The following SKI variants were observed in gnomAD, a reference collection of about 807,000 sequenced individuals.
SKI encodes SKI proto-oncogene.
SKI carries 23 observed loss-of-function variants against 59.3 expected under a neutral mutation model. The observed-to-expected ratio is 0.39, with a 90% CI of 0.28 to 0.55. The LOEUF is 0.55. SKI is among the 20% of genes least tolerant of loss of function. The pLI is 0.67. For missense variants in SKI, 1,017 were observed against 1,038.9 expected (o/e 0.98, Z 0.29); for synonymous variants, 673 against 488.6 (o/e 1.38, Z -4.98).
chr1:2,264,742 C>T (rs1174338150), intron 1 of SKI, among the ~76,000 whole-genome samples: 1 of 152,090 alleles, frequency 6.6e-6, no homozygotes, highest in African/African-American at 2.4e-5. Context: ...TACTGTGTTC[C>T]TGCATGCGTG....
intron 1 of SKI, among the ~76,000 whole-genome samples, chr1:2,265,931 G>A (rs1639492184): frequency 6.6e-6 from 1 of 152,034 alleles, no homozygotes; most frequent in African/African-American, 2.4e-5. Context: ...TCGCGCCACT[G>A]CACTCCAGCC....
intron 1 of SKI, among the ~76,000 whole-genome samples, chr1:2,231,790 TCTC>T (rs1638644910): frequency 6.6e-6 from 1 of 152,198 alleles, no homozygotes; most frequent in South Asian, 2.1e-4. Context: ...CGGGTTTTCC[TCTC>T]CTCATGCTCC....
chr1:2,244,202 G>T (rs1638941601), intron 1 of SKI, among the ~76,000 whole-genome samples: 1 of 152,014 alleles, frequency 6.6e-6, no homozygotes, highest in Admixed American at 6.5e-5. Context: ...CTGACCTCGT[G>T]ATCCGCCTGC....
chr1:2,284,636 C>T (rs764318822), intron 1 of SKI, among the ~76,000 whole-genome samples: 25 of 152,192 alleles, frequency 1.6e-4, no homozygotes, highest in Non-Finnish European at 3.5e-4. Flanking sequence ...TCCGTGTGGA[C>T]CTCCTGTGAC....
chr1:2,240,418 CTG>C, intron 1 of SKI: 1 of 925,986 alleles, frequency 1.1e-6, no homozygotes, highest in Non-Finnish European at 1.3e-6. Flanking sequence ...GTCTGGGACT[CTG>C]AACTGCCAGA....
At chr1:2,233,690 C>T (rs1055342959) in intron 1 of SKI, among the ~76,000 whole-genome samples, 17 of 152,100 alleles carry the variant, frequency 1.1e-4, no homozygotes, top group Admixed American at 9.2e-4. Context: ...GCCAGGTGGT[C>T]GGGCTTGAGA....
chr1:2,246,476 C>G (rs967361378), intron 1 of SKI, among the ~76,000 whole-genome samples: 2 of 152,128 alleles, frequency 1.3e-5, no homozygotes, highest in Non-Finnish European at 2.9e-5. Context: ...GCACCGTGGT[C>G]GGATCCTGCC....
At chr1:2,291,664 G>A (rs994718104) in intron 1 of SKI, among the ~76,000 whole-genome samples, 1 of 137,040 alleles carries the variant, frequency 7.3e-6, no homozygotes, top group Admixed American at 7.7e-5. Flanking sequence ...CCCCTGGATG[G>A]ATGGGTCTTT....
In SKI at chr1:2,228,541, G is replaced by C. The variant is rs1210772282; in HGVS notation, c.-226G>C. On this transcript the variant is annotated 5_prime_UTR_variant, in exon 1 of 7. Coordinates refer to ENST00000378536, the MANE Select transcript of SKI (RefSeq NM_003036.4). Reference sequence around the variant, plus strand: ...GCGGCGCGGGGCGCGTGGATGTGGCGCCGGGCCCGGGCGGCGGCGGGCTCC... The same window carrying C: ...GCGGCGCGGGGCGCGTGGATGTGGCCCCGGGCCCGGGCGGCGGCGGGCTCC... Among the ~76,000 whole-genome samples the C allele has an allele frequency of 1.4e-5, 2 of 143,180 alleles. No homozygotes were observed. The highest frequency in any genetic ancestry group is 4.2e-4 in the East Asian group (2 of 4,804). The allele number at this position is 143,180 out of a possible 152,430, so 93.9% of individuals were successfully genotyped here.
chr1:2,304,015 G>C lies in SKI; in HGVS notation c.1387G>C (p.Gly463Arg). Residue 463 changes from glycine to arginine, a missense_variant, in exon 4 of 7, where the codon GGA becomes CGA. By Grantham distance (125) the Gly-to-Arg change is moderately radical (BLOSUM62 -2). Coordinates refer to ENST00000378536, the MANE Select transcript of SKI (RefSeq NM_003036.4). ...GCGGAAGCTGACTGTGGACACCCCA[G>C]GAGCCCCAGAGACGCTGGCGCCCGT... ...RKRKLTVDTP[G>R]APETLAPVAA... is the part of the protein sequence containing the mutation. 1 of 1,612,588 alleles carries C rather than the reference G, an allele frequency of 6.2e-7. No homozygotes were observed. Among genetic ancestry groups the C allele is most frequent in the Non-Finnish European group, 8.5e-7 (1 of 1,179,878 alleles).
chr1:2,283,772 T>G (rs6686375), intron 1 of SKI, among the ~76,000 whole-genome samples: 1 of 152,064 alleles, frequency 6.6e-6, no homozygotes, highest in Non-Finnish European at 1.5e-5. Context: ...GCCCCAAGGG[T>G]ACGGGAGGCC....
At position 2,302,970 on chromosome 1, in the gene SKI, G is replaced by A. The variant is rs553382550; in HGVS notation, c.970-8G>A. On this transcript the variant is annotated splice_polypyrimidine_tract_variant and splice_region_variant and intron_variant, in intron 1 of 6. Transcript: ENST00000378536. ...ACAGGTGCCAACAAAACCTTTCATT[G>A]ATCGCAGGTCTCCTCTGAGCCTCCG... 6.2e-7 allele frequency: 1 copy of A among 1,613,426 alleles called. No individual in the cohort carries two copies. The highest frequency in any genetic ancestry group is 1.3e-5 in the African/African-American group (1 of 75,056).
At position 2,307,457 on chromosome 1, in the gene SKI, G is replaced by A. The variant is rs74600869; in HGVS notation, c.*692G>A. On this transcript the variant is annotated 3_prime_UTR_variant, in exon 7 of 7. Transcript: ENST00000378536. ...TGCAGAGCCGCACAGGAGCTGCCCC[G>A]GAGCTGAGGGGACGGTCTTCGGCTC... 0.02 allele frequency: 3,004 copies of A among 152,466 alleles called. 107 individuals are homozygous for A. Among genetic ancestry groups the A allele is most frequent in the African/African-American group, 0.067 (2,779 of 41,554 alleles). 9.4% of individuals were successfully genotyped at this position (152,466 alleles called of 1,614,324 possible). A position where few individuals can be genotyped will look rare whatever the true frequency, so the allele number is the denominator to read the frequency against.
At chr1:2,273,432 A>T (rs935261772) in intron 1 of SKI, among the ~76,000 whole-genome samples, 1 of 152,032 alleles carries the variant, frequency 6.6e-6, no homozygotes, top group Non-Finnish European at 1.5e-5. Context: ...CTGAGATGGG[A>T]CTTCTCAGCT....
At chr1:2,247,475 T>C (rs1270564067) in intron 1 of SKI, among the ~76,000 whole-genome samples, 1 of 152,220 alleles carries the variant, frequency 6.6e-6, no homozygotes, top group Non-Finnish European at 1.5e-5. Flanking sequence ...ATGGCTTCGC[T>C]GAAGATGATA....
chr1:2,235,647 C>T (rs1209144132), intron 1 of SKI, among the ~76,000 whole-genome samples: 4 of 152,112 alleles, frequency 2.6e-5, no homozygotes, highest in South Asian at 2.1e-4. Flanking sequence ...GGGGTGGCCT[C>T]GATGGGGGGC....
intron 1 of SKI, among the ~76,000 whole-genome samples, chr1:2,275,931 C>T (rs1307051926): frequency 1.3e-5 from 2 of 152,004 alleles, no homozygotes; most frequent in Non-Finnish European, 2.9e-5. Context: ...TGCCCACCCT[C>T]CCTGCCCGGG....
chr1:2,254,541 C>T (rs572656592), intron 1 of SKI, among the ~76,000 whole-genome samples: 3 of 152,356 alleles, frequency 2.0e-5, no homozygotes, highest in Non-Finnish European at 2.9e-5. Flanking sequence ...GCGTTGAAGA[C>T]GCGGCCTCTG....
chr1:2,307,898 ACTT>A lies in SKI; in HGVS notation c.*1135_*1137del, dbSNP rs1014721822. 3.9e-5 allele frequency: 6 copies of A among 152,418 alleles called. No individual in the cohort carries two copies. The highest frequency in any genetic ancestry group is 1.4e-4 in the African/African-American group (6 of 41,382). 9.4% of individuals were successfully genotyped at this position (152,418 alleles called of 1,614,324 possible). On this transcript the variant is annotated 3_prime_UTR_variant, in exon 7 of 7. Coordinates refer to ENST00000378536, the MANE Select transcript of SKI (RefSeq NM_003036.4). ...AAGAAAACGAAAATGCAAAAACTGA[ACTT>A]CGGGGGTCGTTCTGTGCCTTCCAGC...
Sources: gnomAD v4.1 joint callset for allele counts (sites outside exome capture counted in the v4.1 genomes callset) on GRCh38, gnomAD v4.1.1 for gene constraint, MANE v1.5 for transcripts, NCBI Gene and HGNC (gene_info 2026-07-23, HGNC 2026-07-21) for gene names.